The following CARD8 variants were observed in gnomAD, a reference collection of about 807,000 sequenced individuals.
CARD8 encodes caspase recruitment domain-containing protein 8.
CARD8 carries 38 observed loss-of-function variants against 53.2 expected under a neutral mutation model. The ratio of observed to expected loss-of-function variants is 0.71; its 90% CI spans 0.55 to 0.94. CARD8 has a LOEUF of 0.94. CARD8 is among the 40% of genes least tolerant of loss of function. CARD8 has a pLI of 0.00. For missense variants in CARD8, 561 were observed against 655.5 expected (o/e 0.86, Z 1.57); for synonymous variants, 245 against 244.9 (o/e 1.00, Z 0.00).
At chr19:48,249,428 T>C (rs1712136006) in intron 3 of CARD8, 95 bp downstream of exon 3, 5 of 152,192 alleles carry the variant, frequency 3.3e-5, no homozygotes, top group Admixed American at 3.3e-4. Flanking sequence ...TTAAAATATA[T>C]TATTACCTAT....
chr19:48,238,919 A>G (rs1156565189), intron 4 of CARD8, among the ~76,000 whole-genome samples: 1 of 152,248 alleles, frequency 6.6e-6, no homozygotes, highest in Non-Finnish European at 1.5e-5. Flanking sequence ...ACCACTTCGT[A>G]GACAATGATC....
At chr19:48,207,734 G>GTTTTTTTTTTTTTTTTTTTTTTTTTT (rs758903014), downstream of CARD8, among the ~76,000 whole-genome samples, 15 of 116,534 alleles carry the variant, frequency 1.3e-4, 1 homozygote, top group South Asian at 5.3e-4. Context: ...TTGTTTTTCT[G>GTTTTTTTTTTTTTTTTTTTTTTTTTT]TTTTTTTTTT....
chr19:48,231,717 A>G lies in CARD8; in HGVS notation c.485T>C (p.Leu162Pro), dbSNP rs2042927970. The G allele has an allele frequency of 1.2e-6, 2 of 1,613,650 alleles. No homozygotes were observed. Among genetic ancestry groups the G allele is most frequent in the Non-Finnish European group, 1.7e-6 (2 of 1,179,812 alleles). The change falls in exon 8 of 14, where the codon CTG (leucine) becomes CCG (proline). Residue 162 changes from leucine (L) to proline (P), a missense_variant. Coordinates refer to ENST00000651546, the MANE Select transcript of CARD8 (RefSeq NM_001184900.3). ...IEEDYKNRQF[L>P]GPEGNVDVEL... ...AACATCCACATTTCCTTCAGGCCCC[A>G]GAAACTGACGATTTTTATAATCTTC... is the stretch of plus-strand genomic sequence containing the variant.
intron 1 of CARD8, 89 bp from the exon 2 acceptor site, chr19:48,249,936 A>C (rs2046732346): frequency 6.6e-6 from 1 of 152,246 alleles, no homozygotes; most frequent in Admixed American, 6.5e-5. Context: ...AACCCTCAGG[A>C]AGCTTTGCAT....
downstream of CARD8, among the ~76,000 whole-genome samples, chr19:48,207,735 T>TTTTTTTTTTTTTG (rs1224811685): frequency 5.6e-4 from 42 of 74,902 alleles, 4 homozygotes; most frequent in South Asian, 1.0e-3. Flanking sequence ...TGTTTTTCTG[T>TTTTTTTTTTTTTG]TTTTTTTTTT....
At chr19:48,233,017 T>C (rs973365865) in intron 6 of CARD8, 12 of 355,430 alleles carry the variant, frequency 3.4e-5, no homozygotes, top group African/African-American at 2.6e-4. Flanking sequence ...AATTCACCAA[T>C]GCGTAAAATG....
downstream of CARD8, among the ~76,000 whole-genome samples, chr19:48,207,742 T>TTTTTTGTTTTTTTG (rs1555790195): frequency 4.5e-5 from 6 of 132,442 alleles, no homozygotes; most frequent in Non-Finnish European, 8.0e-5. Flanking sequence ...CTGTTTTTTT[T>TTTTTTGTTTTTTTG]TTTTTTTTTT....
chr19:48,206,413 C>A, downstream of CARD8: 1 of 457,538 alleles, frequency 2.2e-6, no homozygotes, highest in South Asian at 1.5e-5. Context: ...CTAGAGCAGT[C>A]CCAATGAGTC....
intron 8 of CARD8, among the ~76,000 whole-genome samples, chr19:48,231,258 T>C (rs12460987): frequency 0.04 from 6,071 of 152,236 alleles, 392 homozygotes; most frequent in African/African-American, 0.13. Flanking sequence ...AAATTTTAGC[T>C]ATCATAAGGG....
chr19:48,238,585 G>C, intron 4 of CARD8, 53 bp from the exon 5 acceptor site: 2 of 1,503,008 alleles, frequency 1.3e-6, no homozygotes, highest in Non-Finnish European at 1.8e-6. Context: ...GAGCTCGATG[G>C]TGGGACAATC....
chr19:48,232,924 A>G (rs540195507), intron 6 of CARD8: 15 of 387,746 alleles, frequency 3.9e-5, no homozygotes, highest in African/African-American at 2.9e-4. Context: ...CCCACGTTCA[A>G]TGTGGACACA....
At chr19:48,234,372 A>G (rs1400809322) in intron 6 of CARD8, 31 bp downstream of exon 6, 6 of 1,595,002 alleles carry the variant, frequency 3.8e-6, no homozygotes, top group Middle Eastern at 1.7e-4. Context: ...CACAGCGTCC[A>G]ATAGTTTTCC....
chr19:48,234,709 T>TGG (rs2043557405), intron 5 of CARD8, among the ~76,000 whole-genome samples, 166 bp from the exon 6 acceptor site: 1 of 152,208 alleles, frequency 6.6e-6, no homozygotes, highest in South Asian at 2.1e-4. Flanking sequence ...CAGACTCCCA[T>TGG]GACTCTTTCT....
chr19:48,220,996 A>AGG (rs1182512844), intron 11 of CARD8, among the ~76,000 whole-genome samples: 105 of 105,424 alleles, frequency 1.0e-3, no homozygotes, highest in African/African-American at 3.3e-3. Flanking sequence ...GAAGGAAGGA[A>AGG]AGAAAGAAAG....
At position 48,243,792 on chromosome 19, in the gene CARD8, A is replaced by C. The variant is rs570339063; in HGVS notation, c.-43-2729T>G. On this transcript the variant is annotated intron_variant, in intron 3 of 13. Coordinates refer to ENST00000651546, the MANE Select transcript of CARD8 (RefSeq NM_001184900.3). ...CTTGATCCCAGGAGATTAAGGTCGC[A>C]GTGAGCTATGATGGCGCCGCTGCAT... 2.0e-4 allele frequency among the ~76,000 whole-genome samples: 31 copies of C among 152,362 alleles called. No individual in the cohort carries two copies. The South Asian group carries it at 6.0e-3, about 30-fold the overall frequency.
Position 48,230,864 on chromosome 19 carries a change from G to A in CARD8, c.685C>T (p.Leu229=). The change falls in exon 9 of 14, where the codon CTG becomes TTG. Residue 229 remains leucine (L), a synonymous_variant. Coordinates refer to ENST00000651546, the MANE Select transcript of CARD8 (RefSeq NM_001184900.3). ...ACATCAAACAAGGGGCCGCCCACCA[G>A]CCACTGTTCATGGTGCTGCAGGTCC... ...ALDLQHHEQW[L]VGGPLFDVTA... 1.2e-6 allele frequency: 2 copies of A among 1,614,202 alleles called. No individual in the cohort carries two copies. The highest frequency in any genetic ancestry group is 1.7e-6 in the Non-Finnish European group (2 of 1,180,038).
rs111424827 is a variant in CARD8 at position 48,208,118 on chromosome 19, ATTTT to A, written c.*3588_*3591del. ...CTTTTTGTTTTAATAACATTAACCT[ATTTT>A]TTTATTTTTGTAAATTTATGAAGTA... is the stretch of plus-strand genomic sequence containing the variant. On this transcript the variant is annotated 3_prime_UTR_variant, in exon 14 of 14. Transcript: ENST00000651546. 1.5e-4 allele frequency: 23 copies of A among 151,972 alleles called. No homozygotes were observed. The highest frequency in any genetic ancestry group is 5.6e-4 in the African/African-American group (23 of 41,426). 9.4% of individuals were successfully genotyped at this position (151,972 alleles called of 1,614,324 possible).
At chr19:48,255,370 GA>G (rs911346260) in intron 1 of CARD8, among the ~76,000 whole-genome samples, 3 of 150,022 alleles carry the variant, frequency 2.0e-5, no homozygotes, top group Non-Finnish European at 3.0e-5. Flanking sequence ...ATCTCAAAAA[GA>G]AAAAAAAATT....
In CARD8 at chr19:48,240,968, G is replaced by A. The variant is rs142119092; in HGVS notation, c.53C>T (p.Pro18Leu). 2.1e-4 allele frequency: 329 copies of A among 1,535,754 alleles called. 2 individuals are homozygous for A. The African/African-American group carries it at 3.5e-3, about 17-fold the overall frequency. ...AGAGCGCAAAGTCACTCACCGTCTC[G>A]GCAGCTCTTCCTCACTGCTGCTACT... The part of the protein sequence containing the change: ...EKSSSSEEEL[P>L]RRDSGSSRNI... The change falls in exon 4 of 14, where the codon CCG becomes CTG. Residue 18 changes from proline to leucine, a missense_variant. Coordinates refer to ENST00000651546, the MANE Select transcript of CARD8 (RefSeq NM_001184900.3).
Sources: gnomAD v4.1 joint callset for allele counts (sites outside exome capture counted in the v4.1 genomes callset) on GRCh38, gnomAD v4.1.1 for gene constraint, MANE v1.5 for transcripts, NCBI Gene and HGNC (gene_info 2026-07-23, HGNC 2026-07-21) for gene names.